Variants in TMEM132B observed in about 807,000 individuals in gnomAD.
TMEM132B encodes transmembrane protein 132B.
A neutral mutation model predicts 90.8 loss-of-function variants in TMEM132B; 18 were observed. The ratio of observed to expected loss-of-function variants is 0.20; its 90% confidence interval spans 0.14 to 0.29. The LOEUF (loss-of-function observed/expected upper bound fraction) is 0.29. Ranked by LOEUF, TMEM132B falls within the 10% of genes least tolerant of loss-of-function variation. The pLI is 1.00. For missense variants in TMEM132B, 1,096 were observed against 1,326.8 expected, an observed-to-expected ratio of 0.83 and a Z score of 2.70; for synonymous variants, 504 against 523.3, an observed-to-expected ratio of 0.96 and a Z score of 0.50.
At chr12:125,237,431 A>G (rs1053170485) in intron 1 of TMEM132B, among the ~76,000 whole-genome samples, 12 of 152,124 alleles carry the variant, frequency 7.9e-5, no homozygotes, top group African/African-American at 2.9e-4. Flanking sequence ...ATAGCTTGCC[A>G]GGATAAGTTG....
chr12:125,326,978 G>T (rs1215673515), intron 1 of TMEM132B, among the ~76,000 whole-genome samples: 1 of 151,980 alleles, frequency 6.6e-6, no homozygotes, highest in South Asian at 2.1e-4. Flanking sequence ...AACAACACAG[G>T]CACCTGCTTT....
At chr12:125,613,163 T>C (rs1460730186) in intron 5 of TMEM132B, among the ~76,000 whole-genome samples, 1 of 124,646 alleles carries the variant, frequency 8.0e-6, no homozygotes, top group Non-Finnish European at 1.6e-5. Context: ...CATATATATT[T>C]ATATATTATA....
intron 2 of TMEM132B, among the ~76,000 whole-genome samples, chr12:125,358,565 C>T (rs1877860198): frequency 6.6e-6 from 1 of 152,068 alleles, no homozygotes; most frequent in Admixed American, 6.5e-5. Context: ...TTAAAGACTG[C>T]TGGCCAGTTA....
intron 1 of TMEM132B, among the ~76,000 whole-genome samples, chr12:125,285,299 G>T (rs1430091466): frequency 2.0e-5 from 3 of 152,204 alleles, no homozygotes; most frequent in African/African-American, 7.2e-5. Flanking sequence ...GAAGAGTGAA[G>T]ATTTCCTGGC....
chr12:125,511,373 C>T (rs1882973812), intron 3 of TMEM132B, among the ~76,000 whole-genome samples: 1 of 152,050 alleles, frequency 6.6e-6, no homozygotes, highest in South Asian at 2.1e-4. Flanking sequence ...TCATGGAACC[C>T]AAGGAAAGCA....
At chr12:125,645,275 T>G (rs182948170) in intron 6 of TMEM132B, among the ~76,000 whole-genome samples, 3 of 151,742 alleles carry the variant, frequency 2.0e-5, no homozygotes, top group Non-Finnish European at 4.4e-5. Context: ...CTCCTGCTTC[T>G]TCAAACCCTA....
intron 2 of TMEM132B, among the ~76,000 whole-genome samples, chr12:125,373,483 C>T (rs915846252): frequency 6.6e-6 from 1 of 152,130 alleles, no homozygotes; most frequent in Non-Finnish European, 1.5e-5. Flanking sequence ...GGAGAGGTCT[C>T]GGAAGAAACC....
chr12:125,600,731 G>A (rs544772805), intron 5 of TMEM132B, among the ~76,000 whole-genome samples: 13 of 152,034 alleles, frequency 8.6e-5, no homozygotes, highest in Admixed American at 4.6e-4. Flanking sequence ...AAATGACATC[G>A]TGTCTAAATT....
intron 3 of TMEM132B, among the ~76,000 whole-genome samples, chr12:125,428,502 C>A (rs1266242459): frequency 6.6e-6 from 1 of 151,998 alleles, no homozygotes; most frequent in Non-Finnish European, 1.5e-5. Context: ...CATTATGAAG[C>A]CTTCCTCAGA....
chr12:125,494,901 TC>T (rs1882501236), intron 3 of TMEM132B, among the ~76,000 whole-genome samples: 3 of 24,298 alleles, frequency 1.2e-4, no homozygotes, highest in African/African-American at 3.5e-4. Flanking sequence ...TGCGTCCCTC[TC>T]CCCCCTCCTC....
chr12:125,529,314 C>G (rs1426895151), intron 4 of TMEM132B, among the ~76,000 whole-genome samples: 1 of 152,138 alleles, frequency 6.6e-6, no homozygotes, highest in Non-Finnish European at 1.5e-5. Context: ...TCAGGCTGGT[C>G]TCAAACTCCT....
rs570349245 is a variant in TMEM132B at position 125,233,439 on chromosome 12, A to T, written c.67+46573A>T. ...CACCTTCCAGGCAGGCCCTGGAGGA[A>T]GCAGATGTCCCAATAGCCATTTTGA... On this transcript the variant is annotated intron_variant, in intron 1 of 8. Coordinates refer to ENST00000682704, the MANE Select transcript of TMEM132B (RefSeq NM_001366854.1). Among the ~76,000 whole-genome samples, 3 of 152,300 alleles carry T rather than the reference A, an allele frequency of 2.0e-5. No individual in the cohort carries two copies. In the South Asian group the frequency reaches 6.2e-4, roughly 32 times the overall value.
intron 5 of TMEM132B, among the ~76,000 whole-genome samples, chr12:125,641,719 T>C (rs17438408): frequency 0.1 from 15,728 of 152,260 alleles, 1,070 homozygotes; most frequent in South Asian, 0.2. Context: ...TCATTCCTTA[T>C]GAACATAGAA....
intron 5 of TMEM132B, among the ~76,000 whole-genome samples, chr12:125,623,057 C>G (rs1038684632): frequency 5.9e-5 from 9 of 152,138 alleles, no homozygotes; most frequent in African/African-American, 1.9e-4. Context: ...ACCTAATTAA[C>G]AGCGCTTTTC....
chr12:125,517,324 C>A (rs1457594834), intron 3 of TMEM132B, among the ~76,000 whole-genome samples: 2 of 112,270 alleles, frequency 1.8e-5, no homozygotes, highest in Non-Finnish European at 3.7e-5. Context: ...CCATGCCCTG[C>A]TGATTTTTTT....
chr12:125,571,959 A>G (rs940160563), intron 4 of TMEM132B, among the ~76,000 whole-genome samples: 2 of 152,246 alleles, frequency 1.3e-5, no homozygotes, highest in Non-Finnish European at 2.9e-5. Context: ...TGAGGATTCA[A>G]TTCAGGATCA....
At chr12:125,253,818 A>G (rs1874369633) in intron 1 of TMEM132B, among the ~76,000 whole-genome samples, 1 of 152,164 alleles carries the variant, frequency 6.6e-6, no homozygotes, top group Non-Finnish European at 1.5e-5. Context: ...AAGTTACAAT[A>G]ATATGCTCAA....
chr12:125,293,373 GT>G (rs1243737412), intron 1 of TMEM132B, among the ~76,000 whole-genome samples: 2 of 152,168 alleles, frequency 1.3e-5, no homozygotes, highest in Non-Finnish European at 2.9e-5. Context: ...TGATGCTGAG[GT>G]TTGGAGTACG....
At chr12:125,379,339 A>AAG (rs966449563) in intron 2 of TMEM132B, among the ~76,000 whole-genome samples, 4 of 152,162 alleles carry the variant, frequency 2.6e-5, no homozygotes, top group Non-Finnish European at 5.9e-5. Flanking sequence ...TTCACAATCA[A>AAG]AGAGAGAGCA....
Sources: gnomAD v4.1 joint callset for allele counts (sites outside exome capture counted in the v4.1 genomes callset) on GRCh38, gnomAD v4.1.1 for gene constraint, MANE v1.5 for transcripts, NCBI Gene and HGNC (gene_info 2026-07-23, HGNC 2026-07-21) for gene names.